Variants in TTLL5 observed in about 807,000 individuals in gnomAD.
TTLL5 encodes tubulin tyrosine ligase like 5.
A neutral mutation model predicts 168.4 loss-of-function variants in TTLL5; 132 were observed. The observed-to-expected ratio is 0.78, with a 90% CI of 0.68 to 0.91. TTLL5 has a LOEUF of 0.91. Among genes scored for constraint, TTLL5 ranks in the 40% least tolerant of loss-of-function variants. The probability of loss-of-function intolerance (pLI) is 0.00; values close to 1 mark genes in which losing one functional copy is unlikely to be tolerated. For missense variants in TTLL5, 1,545 were observed against 1,581.5 expected, an observed-to-expected ratio of 0.98 and a Z score of 0.39; for synonymous variants, 546 against 558.6, an observed-to-expected ratio of 0.98 and a Z score of 0.32.
intron 7 of TTLL5, among the ~76,000 whole-genome samples, chr14:75,701,404 G>C (rs994576659): frequency 1.3e-5 from 2 of 152,160 alleles, no homozygotes; most frequent in Admixed American, 6.5e-5. Context: ...GCTGGTCTGG[G>C]TTTCTACTGT....
At chr14:75,849,365 A>G (rs1280529651) in intron 28 of TTLL5, among the ~76,000 whole-genome samples, 2 of 152,198 alleles carry the variant, frequency 1.3e-5, no homozygotes, top group Non-Finnish European at 2.9e-5. Flanking sequence ...TGAATTTACT[A>G]TATCCACAAA....
chr14:75,706,505 C>A (rs575101005), intron 7 of TTLL5, among the ~76,000 whole-genome samples: 30 of 152,154 alleles, frequency 2.0e-4, no homozygotes, highest in Non-Finnish European at 3.7e-4. Context: ...TTAGCAAATA[C>A]CCTTAAGTGA....
chr14:75,735,348 G>GT, intron 15 of TTLL5, 59 bp downstream of exon 15: 8 of 1,539,748 alleles, frequency 5.2e-6, no homozygotes, highest in Non-Finnish European at 7.2e-6. Flanking sequence ...GGCGGCTGAT[G>GT]TAACTGTGGG....
At chr14:75,764,543 TG>T in intron 18 of TTLL5, 71 bp from the exon 19 acceptor site, 1 of 1,568,342 alleles carries the variant, frequency 6.4e-7, no homozygotes, top group Middle Eastern at 1.7e-4. Flanking sequence ...TATGGAATTC[TG>T]GGAAGCTTAG....
chr14:75,845,773 C>T (rs1182162097), intron 28 of TTLL5, among the ~76,000 whole-genome samples: 1 of 152,202 alleles, frequency 6.6e-6, no homozygotes, highest in Non-Finnish European at 1.5e-5. Flanking sequence ...CCAGGTCTTT[C>T]TGATGTGAAA....
intron 27 of TTLL5, among the ~76,000 whole-genome samples, chr14:75,807,127 A>G (rs1893703331): frequency 6.6e-6 from 1 of 152,140 alleles, no homozygotes; most frequent in Non-Finnish European, 1.5e-5. Context: ...TCTTTTTTAC[A>G]TTTTGTAGGT....
chr14:75,690,061 A>T, intron 5 of TTLL5, 131 bp from the exon 6 acceptor site: 2 of 911,108 alleles, frequency 2.2e-6, no homozygotes, highest in Non-Finnish European at 1.6e-6. Context: ...ATTAACAGCG[A>T]TATGTTTAGG....
At chr14:75,942,198 A>T (rs901550546) in intron 31 of TTLL5, among the ~76,000 whole-genome samples, 7 of 142,742 alleles carry the variant, frequency 4.9e-5, no homozygotes, top group African/African-American at 1.0e-4. Flanking sequence ...AAAAAAAAAA[A>T]TGTGTATCCC....
chr14:75,890,686 G>A (rs2032355927), intron 30 of TTLL5, among the ~76,000 whole-genome samples: 1 of 152,098 alleles, frequency 6.6e-6, no homozygotes. Flanking sequence ...CTCCAAAATA[G>A]TTCTTCAAAC....
chr14:75,842,310 T>C (rs1358334543), intron 28 of TTLL5, among the ~76,000 whole-genome samples: 1 of 152,214 alleles, frequency 6.6e-6, no homozygotes, highest in African/African-American at 2.4e-5. Flanking sequence ...TCTCCCACTT[T>C]TACTGATGAT....
chr14:75,724,803 A>G (rs1888087395), intron 12 of TTLL5, among the ~76,000 whole-genome samples: 1 of 152,208 alleles, frequency 6.6e-6, no homozygotes, highest in Non-Finnish European at 1.5e-5. Context: ...AAAATATGGT[A>G]CCATGTGAAA....
intron 12 of TTLL5, among the ~76,000 whole-genome samples, chr14:75,725,260 A>C (rs1888121518): frequency 6.6e-6 from 1 of 152,250 alleles, no homozygotes; most frequent in African/African-American, 2.4e-5. Context: ...GGCAGTGTAC[A>C]TTCTCCAACA....
chr14:75,735,099 G>A, intron 14 of TTLL5, 96 bp from the exon 15 acceptor site: 1 of 1,112,964 alleles, frequency 9.0e-7, no homozygotes, highest in Non-Finnish European at 1.4e-6. Context: ...ATTTATGACA[G>A]TGAAACTGAG....
At chr14:75,883,881 T>C (rs2031953000) in intron 30 of TTLL5, among the ~76,000 whole-genome samples, 2 of 152,152 alleles carry the variant, frequency 1.3e-5, no homozygotes, top group African/African-American at 4.8e-5. Context: ...AGTAGCAAAA[T>C]AGGAAATGTG....
intron 27 of TTLL5, among the ~76,000 whole-genome samples, chr14:75,800,563 A>G (rs1726045440): frequency 6.6e-6 from 1 of 152,160 alleles, no homozygotes; most frequent in Admixed American, 6.5e-5. Flanking sequence ...TCATATTACC[A>G]GAATTGTTTT....
intron 12 of TTLL5, among the ~76,000 whole-genome samples, chr14:75,725,734 A>T (rs1888152498): frequency 6.6e-6 from 1 of 152,166 alleles, no homozygotes; most frequent in Admixed American, 6.5e-5. Flanking sequence ...AAATGATATC[A>T]TCCTTTCTAG....
Position 75,864,596 on chromosome 14 carries a change from T to C in TTLL5, c.3522+734T>C, listed in dbSNP as rs149192625. ...CACTAATATATTAGTATGGCCCCAA[T>C]TGTAGAGAAAGGATGACCTCACCGA... On this transcript the variant is annotated intron_variant, in intron 29 of 31. Coordinates refer to ENST00000298832, the MANE Select transcript of TTLL5 (RefSeq NM_015072.5). 1.3e-3 allele frequency among the ~76,000 whole-genome samples: 202 copies of C among 152,256 alleles called. 3 individuals are homozygous for C. The South Asian group carries it at 0.015, about 11-fold the overall frequency.
chr14:75,775,508 C>A lies in TTLL5; in HGVS notation c.2161C>A (p.Arg721=), dbSNP rs2079169117. The A allele has an allele frequency of 6.2e-7, 1 of 1,613,716 alleles. No individual in the cohort carries two copies. The highest frequency in any genetic ancestry group is 1.7e-5 in the Admixed American group (1 of 59,962). The change falls in exon 22 of 32, where the codon CGA becomes AGA. Residue 721 remains arginine, a synonymous_variant. Coordinates refer to ENST00000298832, the MANE Select transcript of TTLL5 (RefSeq NM_015072.5). ...GGAGCTGGTTGTTCGTTTCCTCAAG[C>A]GAGCATCAAATAACCTCCAGCATTC... The part of the protein sequence containing the change: ...QMELVVRFLK[R]ASNNLQHSLR...
chr14:75,914,180 C>A (rs1435642171), intron 31 of TTLL5, among the ~76,000 whole-genome samples: 1 of 151,010 alleles, frequency 6.6e-6, no homozygotes, highest in South Asian at 2.1e-4. Context: ...TAGAGACCTA[C>A]AATTTATATC....
Sources: gnomAD v4.1 joint callset for allele counts (sites outside exome capture counted in the v4.1 genomes callset) on GRCh38, gnomAD v4.1.1 for gene constraint, MANE v1.5 for transcripts, NCBI Gene and HGNC (gene_info 2026-07-23, HGNC 2026-07-21) for gene names.